The following BRF1 variants were observed in gnomAD, a reference collection of about 807,000 sequenced individuals.
The protein encoded by BRF1 is BRF1 general transcription factor IIIB subunit, also known as transcription factor IIIB 90 kDa subunit.
In BRF1, 59 loss-of-function variants were observed where a neutral mutation model predicts 81.7. The observed-to-expected ratio is 0.72, with a 90% CI of 0.59 to 0.90. The LOEUF (loss-of-function observed/expected upper bound fraction) is 0.90. Ranked by LOEUF, BRF1 falls within the 40% of genes least tolerant of loss-of-function variation. The pLI is 0.00. For synonymous variants in BRF1, 491 were observed against 395.6 expected (o/e 1.24, Z -2.86); for missense variants, 1,050 against 936.3 (o/e 1.12, Z -1.58).
chr14:105,261,937 GC>G (rs1302240345), intron 3 of BRF1, among the ~76,000 whole-genome samples: 4 of 151,988 alleles, frequency 2.6e-5, no homozygotes, highest in Admixed American at 6.5e-5. Context: ...CCTTCTGCAG[GC>G]CCCCCCTGCT....
intron 2 of BRF1, among the ~76,000 whole-genome samples, chr14:105,278,611 T>A (rs975582939): frequency 6.6e-6 from 1 of 151,796 alleles, no homozygotes; most frequent in East Asian, 2.0e-4. Flanking sequence ...TTCATTATAA[T>A]TAAGAAATTT....
chr14:105,266,289 T>C (rs2056413426), intron 3 of BRF1, among the ~76,000 whole-genome samples: 1 of 152,094 alleles, frequency 6.6e-6, no homozygotes, highest in Non-Finnish European at 1.5e-5. Flanking sequence ...CTAGTGCACC[T>C]ATGGTCCCGG....
chr14:105,211,866 C>G (rs587628236), intron 16 of BRF1: 2 of 575,826 alleles, frequency 3.5e-6, no homozygotes, highest in South Asian at 2.0e-5. Flanking sequence ...GGCTGCTCAG[C>G]CTTGGCCCGA....
intron 2 of BRF1, among the ~76,000 whole-genome samples, chr14:105,279,832 C>T (rs929240953): frequency 1.3e-5 from 2 of 152,244 alleles, no homozygotes; most frequent in Non-Finnish European, 2.9e-5. Context: ...AGGAGATAAA[C>T]TGTGGTCTAT....
intron 5 of BRF1, chr14:105,247,413 A>G: frequency 1.0e-6 from 1 of 985,378 alleles, no homozygotes; most frequent in Non-Finnish European, 1.2e-6. Context: ...ACTCTGGGCC[A>G]TTGCATGGTG....
chr14:105,247,591 A>T, intron 5 of BRF1: 1 of 985,460 alleles, frequency 1.0e-6, no homozygotes, highest in Non-Finnish European at 1.2e-6. Flanking sequence ...ACGACCACAG[A>T]GACACAGAGC....
intron 1 of BRF1, among the ~76,000 whole-genome samples, chr14:105,313,086 T>C (rs2058391949): frequency 6.6e-6 from 1 of 152,196 alleles, no homozygotes; most frequent in African/African-American, 2.4e-5. Flanking sequence ...TGCCAAGCCC[T>C]GCTGTGCACG....
rs1566795219 is a variant in BRF1 at position 105,214,499 on chromosome 14, G to GCGTGGCT, written c.1773-2336_1773-2335insAGCCACG. Among the ~76,000 whole-genome samples, 128 of 47,876 alleles carry GCGTGGCT rather than the reference G, an allele frequency of 2.7e-3. 12 individuals carry two copies. Among genetic ancestry groups the GCGTGGCT allele is most frequent in the African/African-American group, 0.024 (105 of 4,388 alleles). The allele number at this position is 47,876 out of a possible 152,430, so 31.4% of individuals were successfully genotyped here. A position where few individuals can be genotyped will look rare whatever the true frequency, so the allele number is the denominator to read the frequency against. On this transcript the variant is annotated intron_variant, in intron 15 of 17. Coordinates refer to ENST00000547530, the MANE Select transcript of BRF1 (RefSeq NM_001519.4). ...GCGTGGCTCAGCTGCCCACACCCCT[G>GCGTGGCT]CATGGCTCAGCTGCCCACACCCCTG...
rs1168802485 is a variant in BRF1 at position 105,209,899 on chromosome 14, C to T, written c.*652G>A. ...GACCCCCATGCTGCTCCAGGCGGTG[C>T]AGGCAGCGGGGAGGGGGGTCTGGAG... On this transcript the variant is annotated 3_prime_UTR_variant, in exon 18 of 18. Coordinates refer to ENST00000547530, the MANE Select transcript of BRF1 (RefSeq NM_001519.4). The T allele has an allele frequency of 4.9e-6, 2 of 406,778 alleles. No homozygotes were observed. Among genetic ancestry groups the T allele is most frequent in the East Asian group, 3.8e-5 (1 of 26,476 alleles). 25.2% of individuals were successfully genotyped at this position (406,778 alleles called of 1,614,324 possible).
chr14:105,303,328 C>T (rs587668820), upstream of BRF1, among the ~76,000 whole-genome samples: 2 of 152,190 alleles, frequency 1.3e-5, no homozygotes, highest in South Asian at 2.1e-4. Flanking sequence ...ACTGTAACCT[C>T]CACCTCCCGG....
chr14:105,241,189 C>T (rs1004248634), intron 6 of BRF1, 76 bp downstream of exon 6: 1 of 1,575,616 alleles, frequency 6.3e-7, no homozygotes, highest in Non-Finnish European at 8.6e-7. Context: ...GCCCAGCCCA[C>T]CAGCACTCAG....
Position 105,209,597 on chromosome 14 carries a change from TC to T in BRF1, c.*953del, listed in dbSNP as rs1401949452. On this transcript the variant is annotated 3_prime_UTR_variant, in exon 18 of 18. Transcript: ENST00000547530. ...CCTCCTACGAGTGGTACTGGGGCCT[TC>T]CCACGAAGAGGCCTGGGGAGGCTCT... 2 of 702,166 alleles carry T rather than the reference TC, an allele frequency of 2.8e-6. No homozygotes were observed. Among genetic ancestry groups the T allele is most frequent in the African/African-American group, 3.5e-5 (2 of 57,242 alleles). 43.5% of individuals were successfully genotyped at this position (702,166 alleles called of 1,614,324 possible).
chr14:105,280,990 G>A (rs587705714), intron 2 of BRF1, among the ~76,000 whole-genome samples: 1 of 148,290 alleles, frequency 6.7e-6, no homozygotes, highest in South Asian at 2.2e-4. Context: ...GTGACCCTGA[G>A]CCCGGGTGTG....
Position 105,248,573 on chromosome 14 carries a change from G to GCGGGCGGGTACGGGCT in BRF1, c.544+3933_544+3934insAGCCCGTACCCGCCCG, listed in dbSNP as rs1555384279. 119 of 272,590 alleles carry GCGGGCGGGTACGGGCT rather than the reference G, an allele frequency of 4.4e-4. 1 individual carries two copies. In the East Asian group the frequency reaches 0.014, roughly 32 times the overall value. The allele number at this position is 272,590 out of a possible 1,614,324, so 16.9% of individuals were successfully genotyped here. Reference sequence around the variant, plus strand: ...GGCGCCGCGGCGGGTACGGGCTCGGGCGGGCGGGCGGGCGGGACGGCGCCC... The same window carrying GCGGGCGGGTACGGGCT: ...GGCGCCGCGGCGGGTACGGGCTCGGGCGGGCGGGTACGGGCTCGGGCGGGCGGGCGGGACGGCGCCC... On this transcript the variant is annotated intron_variant, in intron 5 of 17. Transcript: ENST00000547530.
chr14:105,251,536 C>T (rs1041009606), intron 5 of BRF1, among the ~76,000 whole-genome samples: 1 of 152,148 alleles, frequency 6.6e-6, no homozygotes, highest in Non-Finnish European at 1.5e-5. Context: ...TTCTGGAAAA[C>T]CTGTATGACC....
At chr14:105,290,863 G>A (rs1203728485) in intron 1 of BRF1, among the ~76,000 whole-genome samples, 11 of 151,760 alleles carry the variant, frequency 7.2e-5, no homozygotes, top group South Asian at 2.1e-4. Context: ...CTCTGGAAGC[G>A]CCTCCTGGCT....
At chr14:105,246,498 C>G (rs1278748467) in intron 5 of BRF1, among the ~76,000 whole-genome samples, 3 of 151,930 alleles carry the variant, frequency 2.0e-5, no homozygotes, top group African/African-American at 7.3e-5. Flanking sequence ...TCAACGGAGT[C>G]TCGCTCTGTC....
intron 5 of BRF1, chr14:105,246,845 G>A (rs2055148173): frequency 2.0e-6 from 2 of 985,376 alleles, no homozygotes; most frequent in African/African-American, 1.7e-5. Flanking sequence ...ACACCACCAT[G>A]CAGATCAAGA....
rs370062840 is a variant in BRF1, at chr14:105,228,890, G to A, written c.718C>T (p.His240Tyr). ...TCCTTCACAGTCCTCCTGAAGTCAT[G>A]CATTCTGGCTGCAACCAGGAGCGCT... Reference protein sequence around the residue: ...GAALLVAARMHDFRRTVKEVI... With the variant: ...GAALLVAARMYDFRRTVKEVI... The change falls in exon 7 of 18, where the codon CAT becomes TAT. Residue 240 changes from histidine (H) to tyrosine (Y), a missense_variant. Physicochemically the swap from His to Tyr is moderately conservative, Grantham distance 83. This residue lies in a region of BRF1 where 1,043 missense variants were observed against 915.4 expected (regional missense o/e 1.14). Transcript: ENST00000547530. The A allele has an allele frequency of 1.5e-5, 25 of 1,613,774 alleles. No homozygotes were observed. The highest frequency in any genetic ancestry group is 2.0e-5 in the Non-Finnish European group (24 of 1,180,008).
Sources: gnomAD v4.1 joint callset for allele counts (sites outside exome capture counted in the v4.1 genomes callset) on GRCh38, gnomAD v4.1.1 for gene constraint, gnomAD v4.1.1 regional missense constraint, MANE v1.5 for transcripts, NCBI Gene and HGNC (gene_info 2026-07-23, HGNC 2026-07-21) for gene names.